DISP1: variants seen among roughly 807,000 people sequenced by gnomAD.
DISP1 encodes the protein dispatched RND transporter family member 1.
DISP1 carries 30 observed loss-of-function variants against 37.3 expected under a neutral mutation model. The ratio of observed to expected loss-of-function variants is 0.80; its 90% CI spans 0.60 to 1.09. The LOEUF (loss-of-function observed/expected upper bound fraction) is 1.09, where lower values mean the gene tolerates loss of function less well. DISP1 is among the 50% of genes least tolerant of loss of function. DISP1 has a pLI of 0.00. For missense variants in DISP1, 1,598 were observed against 1,879.5 expected, an observed-to-expected ratio of 0.85 and a Z score of 2.77; for synonymous variants, 634 against 690.2, an observed-to-expected ratio of 0.92 and a Z score of 1.28.
chr1:222,954,609 C>G (rs1268923475), intron 3 of DISP1, among the ~76,000 whole-genome samples: 3 of 152,126 alleles, frequency 2.0e-5, no homozygotes, highest in African/African-American at 7.2e-5. Flanking sequence ...ACCCAACTCT[C>G]TGAATGCCAA....
At chr1:222,988,017 T>A (rs1400754806) in intron 4 of DISP1, among the ~76,000 whole-genome samples, 1 of 152,238 alleles carries the variant, frequency 6.6e-6, no homozygotes, top group Non-Finnish European at 1.5e-5. Flanking sequence ...AGAATATTTT[T>A]GCACAGGGTG....
chr1:222,896,389 T>A (rs1671258966), intron 1 of DISP1, among the ~76,000 whole-genome samples: 1 of 151,780 alleles, frequency 6.6e-6, no homozygotes, highest in Admixed American at 6.6e-5. Flanking sequence ...TCACCTGAGG[T>A]CAGGAGTTTG....
At chr1:222,895,291 A>T (rs1051380735) in intron 1 of DISP1, among the ~76,000 whole-genome samples, 6 of 152,146 alleles carry the variant, frequency 3.9e-5, no homozygotes, top group Non-Finnish European at 5.9e-5. Flanking sequence ...CTCATTAGGA[A>T]CCTTTTGTAG....
At chr1:222,852,141 G>A (rs770705604) in intron 1 of DISP1, among the ~76,000 whole-genome samples, 5 of 151,874 alleles carry the variant, frequency 3.3e-5, no homozygotes, top group African/African-American at 9.7e-5. Flanking sequence ...CCGAGATCGC[G>A]CCATCGCACT....
In DISP1 at chr1:222,942,912, C is replaced by G. The variant is rs780297875; in HGVS notation, c.89C>G (p.Pro30Arg). 8.1e-6 allele frequency: 13 copies of G among 1,613,980 alleles called. No individual in the cohort carries two copies. In the Admixed American group the frequency reaches 1.2e-4, roughly 14 times the overall value. Reference protein sequence around the residue: ...TSAANPSPLTPCDGDHAAQQL... With the variant: ...TSAANPSPLTRCDGDHAAQQL... ...GCTGCTAACCCGAGTCCCCTCACCC[C>G]CTGTGATGGAGACCATGCAGCCCAG... is the stretch of plus-strand genomic sequence containing the variant. Residue 30 changes from proline to arginine, a missense_variant, in exon 3 of 9, where the codon CCC becomes CGC. Coordinates refer to ENST00000675850, the MANE Select transcript of DISP1 (RefSeq NM_001377229.1).
At chr1:222,857,298 T>C (rs545779572) in intron 1 of DISP1, among the ~76,000 whole-genome samples, 1 of 152,032 alleles carries the variant, frequency 6.6e-6, no homozygotes, top group African/African-American at 2.4e-5. Context: ...AACTGTGATA[T>C]AGAATGAAGA....
rs2789975 is a variant in DISP1, at chr1:222,943,132, G to T, written c.309G>T (p.Glu103Asp). 252,781 of 1,613,320 alleles carry T rather than the reference G, an allele frequency of 0.16. 21,685 individuals carry two copies. The highest frequency in any genetic ancestry group is 0.31 in the East Asian group (14,002 of 44,836). ...SHSSHQECHP[E>D]AGPAAPSALA... Reference sequence around the variant, plus strand: ...GCAGTCACCAAGAGTGCCATCCCGAGGCTGGCCCTGCAGCACCCTCTGCTT... The same window carrying T: ...GCAGTCACCAAGAGTGCCATCCCGATGCTGGCCCTGCAGCACCCTCTGCTT... Residue 103 changes from glutamate (E) to aspartate (D), a missense_variant, in exon 3 of 9, where the codon GAG becomes GAT. Physicochemically the swap from Glu to Asp is conservative, Grantham distance 45 (BLOSUM62 2). Transcript: ENST00000675850.
intron 1 of DISP1, among the ~76,000 whole-genome samples, chr1:222,900,277 C>T (rs1047846554): frequency 6.6e-6 from 1 of 152,108 alleles, no homozygotes; most frequent in Non-Finnish European, 1.5e-5. Flanking sequence ...GCCTTAGTTT[C>T]CTCATTGATA....
At chr1:222,849,864 C>T (rs1373114192) in intron 1 of DISP1, among the ~76,000 whole-genome samples, 2 of 152,014 alleles carry the variant, frequency 1.3e-5, no homozygotes, top group Non-Finnish European at 2.9e-5. Flanking sequence ...AAAATTTATT[C>T]TAGTGTCACC....
chr1:222,891,602 A>G (rs1193040770), intron 1 of DISP1, among the ~76,000 whole-genome samples: 1 of 152,224 alleles, frequency 6.6e-6, no homozygotes, highest in Non-Finnish European at 1.5e-5. Context: ...AGGAAAAACA[A>G]TATGCAGTAA....
intron 8 of DISP1, among the ~76,000 whole-genome samples, chr1:223,000,900 T>C (rs966847488): frequency 1.3e-5 from 2 of 152,116 alleles, no homozygotes; most frequent in Admixed American, 6.6e-5. Context: ...AAAAAAAATA[T>C]TCACTTCCTC....
At chr1:222,828,441 A>T (rs932921300) in intron 1 of DISP1, among the ~76,000 whole-genome samples, 1 of 152,320 alleles carries the variant, frequency 6.6e-6, no homozygotes, top group South Asian at 2.1e-4. Context: ...AACTATTTTT[A>T]TCAGACATTA....
At position 222,936,769 on chromosome 1, in the gene DISP1, TATATATATCATATATA is replaced by T. The variant is rs1220459506; in HGVS notation, c.-17-6029_-17-6014del. Among the ~76,000 whole-genome samples the T allele has an allele frequency of 2.6e-4, 16 of 61,154 alleles. 1 individual carries two copies. Among genetic ancestry groups the T allele is most frequent in the Non-Finnish European group, 4.8e-4 (14 of 29,408 alleles). 40.1% of individuals were successfully genotyped at this position (61,154 alleles called of 152,430 possible). A position where few individuals can be genotyped will look rare whatever the true frequency, so the allele number is the denominator to read the frequency against. ...TATCATATATATGATATATAAAAAT[TATATATATCATATATA>T]ATATATATAATATATTATATATATA... On this transcript the variant is annotated intron_variant, in intron 2 of 8. Transcript: ENST00000675850.
rs185094437 is a variant in DISP1, at chr1:222,886,177, A to G, written c.-158-42253A>G. 2.0e-4 allele frequency among the ~76,000 whole-genome samples: 31 copies of G among 152,324 alleles called. No individual in the cohort carries two copies. The East Asian group carries it at 2.9e-3, about 14-fold the overall frequency. On this transcript the variant is annotated intron_variant, in intron 1 of 8. Transcript: ENST00000675850. ...TGGAGCTCATACACAAATTCCTTTT[A>G]TACTTCTACATTTTTCTGATGCTGA...
chr1:222,918,993 C>A (rs1672655889), intron 1 of DISP1, among the ~76,000 whole-genome samples: 1 of 152,170 alleles, frequency 6.6e-6, no homozygotes, highest in African/African-American at 2.4e-5. Flanking sequence ...CGTGTGGGTG[C>A]CCTCAAGATG....
intron 1 of DISP1, among the ~76,000 whole-genome samples, chr1:222,849,073 C>T (rs1247521042): frequency 1.3e-5 from 2 of 152,064 alleles, no homozygotes; most frequent in African/African-American, 2.4e-5. Flanking sequence ...TGTGTGTATA[C>T]TACATATTAA....
In DISP1 at chr1:223,004,607, C is replaced by A; in HGVS notation, c.3210C>A (p.Gly1070=). 1 of 1,614,098 alleles carries A rather than the reference C, an allele frequency of 6.2e-7. No homozygotes were observed. The highest frequency in any genetic ancestry group is 8.5e-7 in the Non-Finnish European group (1 of 1,179,958). The change falls in exon 9 of 9, where the codon GGC becomes GGA. Residue 1070 remains glycine, a synonymous_variant. Coordinates refer to ENST00000675850, the MANE Select transcript of DISP1 (RefSeq NM_001377229.1). This position sits in a 1 kb window ranked among gnomAD's most constrained non-coding sequence, Gnocchi z 4.9. The part of the protein sequence containing the change: ...YRLAPDPDRE[G]KVIFSLSRVG... The stretch of plus-strand genomic sequence containing the variant: ...TGGCTCCAGATCCCGACCGAGAAGG[C>A]AAAGTGATCTTCTCTCTGAGTCGCG...
At chr1:222,852,693 A>C (rs1286440696) in intron 1 of DISP1, among the ~76,000 whole-genome samples, 2 of 152,216 alleles carry the variant, frequency 1.3e-5, no homozygotes, top group Admixed American at 1.3e-4. Context: ...CTTTGCACTG[A>C]TAATTCTGAC....
intron 1 of DISP1, among the ~76,000 whole-genome samples, chr1:222,859,834 A>C (rs1668771537): frequency 6.6e-6 from 1 of 152,164 alleles, no homozygotes; most frequent in African/African-American, 2.4e-5. Context: ...CTAGACTGTA[A>C]ATTCTGGAAT....
Sources: gnomAD v4.1 joint callset for allele counts (sites outside exome capture counted in the v4.1 genomes callset) on GRCh38, gnomAD v4.1.1 for gene constraint, Gnocchi (gnomAD v3.1) non-coding constraint, MANE v1.5 for transcripts, NCBI Gene and HGNC (gene_info 2026-07-23, HGNC 2026-07-21) for gene names.